The following ITIH4 variants were observed in gnomAD, a reference collection of about 807,000 sequenced individuals.
The protein encoded by ITIH4 is inter-alpha-trypsin inhibitor heavy chain 4.
A neutral mutation model predicts 111.8 loss-of-function variants in ITIH4; 79 were observed. That is an observed-to-expected ratio of 0.71 (90% CI 0.59 to 0.85). The LOEUF is 0.85. Among genes scored for constraint, ITIH4 ranks in the 40% least tolerant of loss-of-function variants. The pLI is 0.00. For missense variants in ITIH4, 1,065 were observed against 1,195.8 expected (o/e 0.89, Z 1.61); for synonymous variants, 472 against 468.3 (o/e 1.01, Z -0.10).
At chr3:52,829,414 G>A in intron 1 of ITIH4, 135 bp from the exon 2 acceptor site, 1 of 895,632 alleles carries the variant, frequency 1.1e-6, no homozygotes, top group Non-Finnish European at 1.7e-6. Flanking sequence ...CACTGACCAG[G>A]CCTCAGGCTG....
chr3:52,815,231 GT>G (rs745725178), intron 21 of ITIH4, among the ~76,000 whole-genome samples: 2 of 150,102 alleles, frequency 1.3e-5, no homozygotes, highest in African/African-American at 2.5e-5. Context: ...AAATATGTGG[GT>G]TTTTTTCTTT....
At position 52,823,616 on chromosome 3, in the gene ITIH4, C is replaced by T. The variant is rs1300105084; in HGVS notation, c.1479G>A (p.Val493=). ...RLLFKGSEMV[V]AGKLQDRGPD... is the part of the protein sequence containing the mutation. ...GCCCCCGGTCCTGGAGCTTCCCAGC[C>T]ACCACCATCTCTGAGCCCTTGAAGA... is the stretch of plus-strand genomic sequence containing the variant. Residue 493 remains valine (V), a synonymous_variant, in exon 11 of 24, where the codon GTG becomes GTA. Coordinates refer to ENST00000266041, the MANE Select transcript of ITIH4 (RefSeq NM_002218.5). 3.1e-6 allele frequency: 5 copies of T among 1,614,148 alleles called. No homozygotes were observed. Among genetic ancestry groups the T allele is most frequent in the Non-Finnish European group, 4.2e-6 (5 of 1,180,032 alleles).
rs753634750 is a variant in ITIH4 at position 52,819,940 on chromosome 3, CT to C, written c.1911del (p.Glu638ArgfsTer21). 40 of 1,613,772 alleles carry C rather than the reference CT, an allele frequency of 2.5e-5. No homozygotes were observed. Among genetic ancestry groups the C allele is most frequent in the Admixed American group, 1.5e-4 (9 of 60,004 alleles). On this transcript the variant is annotated frameshift_variant and splice_region_variant, in exon 15 of 24. Transcript: ENST00000266041. LOFTEE classifies it high-confidence loss of function. Reference protein sequence around the residue: ...YYLQGAKIPKPEASFSPRRGW... With the variant: ...YYLQGAKIPKXEASFSPRRGW... ...CTCCCCCCACCTCCTACTTTGTCACCTGGTTTTGGTATTTTTGCTCCCTGGA... is the reference window on the plus strand; with the variant it reads ...CTCCCCCCACCTCCTACTTTGTCACCGGTTTTGGTATTTTTGCTCCCTGGA...
intron 23 of ITIH4, 69 bp from the exon 24 acceptor site, chr3:52,813,559 A>G: frequency 1.5e-6 from 2 of 1,341,002 alleles, no homozygotes; most frequent in Non-Finnish European, 2.1e-6. Flanking sequence ...AAAGAGGGAG[A>G]CAGCTGGGGA....
chr3:52,826,568 G>A lies in ITIH4; in HGVS notation c.603C>T (p.Ala201=), dbSNP rs1241937054. ...STFMTNQLVD[A]LTTWQNKTKA... Reference sequence around the variant, plus strand: ...TGGTCTTATTCTGCCAGGTGGTGAGGGCGTCTACCAGCTGGTTGGTCATGA... The same window carrying A: ...TGGTCTTATTCTGCCAGGTGGTGAGAGCGTCTACCAGCTGGTTGGTCATGA... Residue 201 remains alanine, a synonymous_variant, in exon 5 of 24, where the codon GCC becomes GCT. Transcript: ENST00000266041. 1.9e-6 allele frequency: 3 copies of A among 1,614,020 alleles called. No individual in the cohort carries two copies. The highest frequency in any genetic ancestry group is 2.5e-6 in the Non-Finnish European group (3 of 1,179,932).
chr3:52,824,001 T>G lies in ITIH4; in HGVS notation c.1175A>C (p.Glu392Ala). Residue 392 changes from glutamate (E) to alanine (A), a missense_variant, in exon 10 of 24, where the codon GAG becomes GCG. Physicochemically the swap from Glu to Ala is moderately radical, Grantham distance 107. Coordinates refer to ENST00000266041, the MANE Select transcript of ITIH4 (RefSeq NM_002218.5). This position sits in a 1 kb window ranked among gnomAD's most constrained non-coding sequence, Gnocchi z 4.3. ...LLTDGDPTVG[E>A]TNPRSIQNNV... ...ATTCTGGATGCTCCTGGGGTTAGTC[T>G]CCCCTGGACCCAGGGGTTTGGGATG... 1 of 1,551,212 alleles carries G rather than the reference T, an allele frequency of 6.4e-7. No individual in the cohort carries two copies. The highest frequency in any genetic ancestry group is 8.7e-7 in the Non-Finnish European group (1 of 1,150,166).
At chr3:52,830,298 C>T (rs1303237946) in intron 1 of ITIH4, 4 of 556,996 alleles carry the variant, frequency 7.2e-6, no homozygotes, top group African/African-American at 1.9e-5. Flanking sequence ...TACTAAAAGG[C>T]GGTAGAGCCA....
At position 52,827,304 on chromosome 3, in the gene ITIH4, T is replaced by A. The variant is rs928364016; in HGVS notation, c.252-107A>T. On this transcript the variant is annotated intron_variant, in intron 2 of 23. Transcript: ENST00000266041. The stretch of plus-strand genomic sequence containing the variant: ...GGACTCGGTGTGCCTCTTGACACAG[T>A]GACTCCCATCTTTGCCTGAGCCCAG... The A allele has an allele frequency of 4.6e-6, 4 of 868,822 alleles. No homozygotes were observed. The African/African-American group carries it at 6.6e-5, about 14-fold the overall frequency. 53.8% of individuals were successfully genotyped at this position (868,822 alleles called of 1,614,324 possible).
In ITIH4 at chr3:52,818,323, T is replaced by C. The variant is rs780031728; in HGVS notation, c.2153-40A>G. 1.9e-6 allele frequency: 3 copies of C among 1,574,848 alleles called. No homozygotes were observed. In the Admixed American group the frequency reaches 5.4e-5, roughly 28 times the overall value. On this transcript the variant is annotated intron_variant, in intron 18 of 23. Coordinates refer to ENST00000266041, the MANE Select transcript of ITIH4 (RefSeq NM_002218.5). ...AGTCTGGGTTTAGGCAGCCCCTTCCTGAGGAGTGGGAGGTTGAGGGAGGGA... is the reference window on the plus strand; with the variant it reads ...AGTCTGGGTTTAGGCAGCCCCTTCCCGAGGAGTGGGAGGTTGAGGGAGGGA...
At position 52,826,796 on chromosome 3, in the gene ITIH4, G is replaced by A. The variant is rs375944952; in HGVS notation, c.514C>T (p.Leu172=). 8 of 1,613,644 alleles carry A rather than the reference G, an allele frequency of 5.0e-6. No homozygotes were observed. Among genetic ancestry groups the A allele is most frequent in the Non-Finnish European group, 5.9e-6 (7 of 1,179,984 alleles). Residue 172 remains leucine, a synonymous_variant, in exon 4 of 24, where the codon CTG becomes TTG. Coordinates refer to ENST00000266041, the MANE Select transcript of ITIH4 (RefSeq NM_002218.5). ...KVRPQQLVKH[L]QMDIHIFEPQ... is the part of the protein sequence containing the mutation. ...GAAGAGGTAGCAGCAGGTACCTGCAGGTGCTTGACCAGCTGCTGGGGCCGC... is the reference window on the plus strand; with the variant it reads ...GAAGAGGTAGCAGCAGGTACCTGCAAGTGCTTGACCAGCTGCTGGGGCCGC...
At chr3:52,819,268 G>A (rs549957617) in intron 17 of ITIH4, 125 bp downstream of exon 17, 15 of 1,045,786 alleles carry the variant, frequency 1.4e-5, no homozygotes, top group African/African-American at 6.4e-5. Flanking sequence ...ACTTCACATC[G>A]TGCCCTCAGC....
intron 2 of ITIH4, among the ~76,000 whole-genome samples, chr3:52,827,960 G>C (rs923228782): frequency 6.6e-6 from 1 of 152,150 alleles, no homozygotes; most frequent in Admixed American, 6.5e-5. Flanking sequence ...TGGGCAGGAG[G>C]GGGAGCAGCC....
rs1700230245 is a variant in ITIH4, at chr3:52,813,843, C to T, written c.2723+132G>A. The stretch of plus-strand genomic sequence containing the variant: ...AAAGCTGGCTTAGACACTTCTACAG[C>T]ATCAACCTTCCACCGGACTGTGTCT... On this transcript the variant is annotated intron_variant, in intron 23 of 23. Coordinates refer to ENST00000266041, the MANE Select transcript of ITIH4 (RefSeq NM_002218.5). The T allele has an allele frequency of 5.5e-6, 4 of 730,730 alleles. No homozygotes were observed. The South Asian group carries it at 6.6e-5, about 12-fold the overall frequency. 45.3% of individuals were successfully genotyped at this position (730,730 alleles called of 1,614,324 possible).
Position 52,813,472 on chromosome 3 carries a change from G to A in ITIH4, c.2742C>T (p.Tyr914=), listed in dbSNP as rs747806312. The A allele has an allele frequency of 1.4e-5, 23 of 1,614,068 alleles. No individual in the cohort carries two copies. Among genetic ancestry groups the A allele is most frequent in the Non-Finnish European group, 1.9e-5 (23 of 1,179,970 alleles). Residue 914 remains tyrosine, a synonymous_variant, in exon 24 of 24, where the codon TAC becomes TAT. Coordinates refer to ENST00000266041, the MANE Select transcript of ITIH4 (RefSeq NM_002218.5). ...HSATRERRLD[Y]QEGPPGVEIS... Reference sequence around the variant, plus strand: ...TCTCCACTCCCGGGGGCCCCTCCTGGTAATCCAGCCTGCGCTCTCTGAAAT... The same window carrying A: ...TCTCCACTCCCGGGGGCCCCTCCTGATAATCCAGCCTGCGCTCTCTGAAAT...
At chr3:52,819,038 T>C in intron 17 of ITIH4, 1 of 320,828 alleles carries the variant, frequency 3.1e-6, no homozygotes, top group African/African-American at 2.1e-5. Context: ...GGGTCCCCTC[T>C]GAACAAGGAG....
Position 52,824,242 on chromosome 3 carries a change from G to C in ITIH4, c.1119C>G (p.Pro373=), listed in dbSNP as rs201856600. 3 of 1,613,410 alleles carry C rather than the reference G, an allele frequency of 1.9e-6. No homozygotes were observed. Among genetic ancestry groups the C allele is most frequent in the South Asian group, 1.1e-5 (1 of 91,070 alleles). ...LDSSNQEERL[P]EGSVSLIILL... ...GGATGATGAGTGAGACACTCCCTTC[G>C]GGCAGCCGCTCCTCCTGGTTGCTGC... Residue 373 remains proline (P), a synonymous_variant, in exon 9 of 24, where the codon CCC becomes CCG. Transcript: ENST00000266041. The surrounding 1 kb of genome is among the most constrained non-coding windows in gnomAD (Gnocchi z 4.3).
chr3:52,821,296 A>G (rs1700377230), intron 11 of ITIH4, among the ~76,000 whole-genome samples, 166 bp from the exon 12 acceptor site: 1 of 151,992 alleles, frequency 6.6e-6, no homozygotes, highest in Non-Finnish European at 1.5e-5. Flanking sequence ...TAGGGGTGCA[A>G]GGGGCTCAGT....
In ITIH4 at chr3:52,818,776, CTG is replaced by C. The variant is rs372820387; in HGVS notation, c.2078-242_2078-241del. 910 of 552,486 alleles carry C rather than the reference CTG, an allele frequency of 1.6e-3. 9 individuals carry two copies. The highest frequency in any genetic ancestry group is 0.016 in the African/African-American group (836 of 52,944). 34.2% of individuals were successfully genotyped at this position (552,486 alleles called of 1,614,324 possible). On this transcript the variant is annotated intron_variant, in intron 17 of 23. Transcript: ENST00000266041. ...GATCAGAAAACAGTTCAAGGGACCT[CTG>C]TTGGCTTTCTGAACGGAGGAAGCCC... is the stretch of plus-strand genomic sequence containing the variant.
At position 52,827,126 on chromosome 3, in the gene ITIH4, G is replaced by A. The variant is rs34459742; in HGVS notation, c.323C>T (p.Ala108Val). Residue 108 changes from alanine to valine, a missense_variant, in exon 3 of 24, where the codon GCA (alanine) becomes GTA (valine). By Grantham distance (64) the Ala-to-Val change is moderately conservative. Coordinates refer to ENST00000266041, the MANE Select transcript of ITIH4 (RefSeq NM_002218.5). ...GCCAGCGCTCTTTCCCTTGGCCACT[G>A]CTGCGCTGTACTGTGCCTGGGCTTC... Reference protein sequence around the residue: ...KAEAQAQYSAAVAKGKSAGLV... With the variant: ...KAEAQAQYSAVVAKGKSAGLV... The A allele has an allele frequency of 6.5e-5, 105 of 1,614,168 alleles. No homozygotes were observed. The African/African-American group carries it at 1.3e-3, about 19-fold the overall frequency.
Sources: allele counts gnomAD v4.1 joint callset (sites outside exome capture counted in the v4.1 genomes callset), GRCh38; gene constraint gnomAD v4.1.1; non-coding constraint Gnocchi (gnomAD v3.1); transcripts MANE v1.5; gene names NCBI Gene and HGNC (gene_info 2026-07-23, HGNC 2026-07-21).